The following CTNND2 variants were observed in gnomAD, a reference collection of about 807,000 sequenced individuals.
CTNND2 encodes catenin delta 2.
CTNND2 carries 22 observed loss-of-function variants against 144.4 expected under a neutral mutation model. That is an observed-to-expected ratio of 0.15 (90% CI 0.11 to 0.22). The LOEUF (loss-of-function observed/expected upper bound fraction) is 0.22, where lower values mean the gene tolerates loss of function less well. Ranked by LOEUF, CTNND2 falls within the 10% of genes least tolerant of loss-of-function variation. The probability of loss-of-function intolerance (pLI) is 1.00; values close to 1 mark genes in which losing one functional copy is unlikely to be tolerated. For synonymous variants in CTNND2, 751 were observed against 695.6 expected (o/e 1.08, Z -1.25); for missense variants, 1,353 against 1,618.8 (o/e 0.84, Z 2.82).
Position 11,246,552 on chromosome 5 carries a change from G to A in CTNND2, c.1629-9729C>T, listed in dbSNP as rs544832610. 9.3e-4 allele frequency among the ~76,000 whole-genome samples: 142 copies of A among 152,138 alleles called. 1 individual carries two copies. The highest frequency in any genetic ancestry group is 3.3e-3 in the African/African-American group (135 of 41,518). On this transcript the variant is annotated intron_variant, in intron 9 of 21. Coordinates refer to ENST00000304623, the MANE Select transcript of CTNND2 (RefSeq NM_001332.4). ...TCTCCCTCAGCACCTCTGGAGAGAC[G>A]CTACACTGCTCACACCATGATTTTG...
intron 12 of CTNND2, among the ~76,000 whole-genome samples, chr5:11,129,379 T>C (rs1755335200): frequency 7.4e-6 from 1 of 135,560 alleles, no homozygotes; most frequent in South Asian, 2.2e-4. Context: ...CGTGAGGTGG[T>C]GGCATAGAAA....
intron 2 of CTNND2, among the ~76,000 whole-genome samples, chr5:11,590,345 G>A (rs1779154063): frequency 6.6e-6 from 1 of 152,056 alleles, no homozygotes; most frequent in African/African-American, 2.4e-5. Flanking sequence ...GCCTGGCCCT[G>A]TAAATTATTT....
intron 1 of CTNND2, among the ~76,000 whole-genome samples, chr5:11,738,929 C>G (rs1787845387): frequency 6.6e-6 from 1 of 152,158 alleles, no homozygotes; most frequent in South Asian, 2.1e-4. Context: ...GCTCTGAAGT[C>G]ACATGCTTCA....
At chr5:11,662,510 C>A (rs116544880) in intron 2 of CTNND2, among the ~76,000 whole-genome samples, 3,154 of 152,056 alleles carry the variant, frequency 0.021, 110 homozygotes, top group African/African-American at 0.072. Flanking sequence ...CGATTTTCTG[C>A]CTGCTTTATA....
At chr5:11,813,651 CACTTTT>C (rs1161786866) in intron 1 of CTNND2, among the ~76,000 whole-genome samples, 3 of 152,152 alleles carry the variant, frequency 2.0e-5, no homozygotes, top group African/African-American at 7.2e-5. Flanking sequence ...TTAAAACAAA[CACTTTT>C]TTTATTATCT....
At chr5:11,835,972 C>T (rs1031789552) in intron 1 of CTNND2, among the ~76,000 whole-genome samples, 1 of 152,150 alleles carries the variant, frequency 6.6e-6, no homozygotes, top group African/African-American at 2.4e-5. Flanking sequence ...ATTCCCCTTT[C>T]AGCACTGCTC....
chr5:11,549,259 C>T (rs1262894850), intron 3 of CTNND2, among the ~76,000 whole-genome samples: 1 of 152,148 alleles, frequency 6.6e-6, no homozygotes, highest in Non-Finnish European at 1.5e-5. Context: ...TTATCGGGAT[C>T]TATATTTGGC....
chr5:11,607,380 T>C (rs1400191903), intron 2 of CTNND2, among the ~76,000 whole-genome samples: 1 of 152,132 alleles, frequency 6.6e-6, no homozygotes, highest in Non-Finnish European at 1.5e-5. Flanking sequence ...GTATCTGACA[T>C]ATATAATATT....
chr5:11,146,583 T>G (rs929484413), intron 12 of CTNND2, among the ~76,000 whole-genome samples: 1 of 152,228 alleles, frequency 6.6e-6, no homozygotes, highest in African/African-American at 2.4e-5. Flanking sequence ...ATTAAAGAGT[T>G]ATCTTGTCCA....
At chr5:11,328,764 A>G (rs1489903071) in intron 9 of CTNND2, among the ~76,000 whole-genome samples, 1 of 152,182 alleles carries the variant, frequency 6.6e-6, no homozygotes, top group Non-Finnish European at 1.5e-5. Flanking sequence ...CTTCAGCTGA[A>G]TGCTATGGGA....
rs901507065 is a variant in CTNND2 at position 11,505,442 on chromosome 5, G to A, written c.287+59502C>T. Among the ~76,000 whole-genome samples, 61 of 152,130 alleles carry A rather than the reference G, an allele frequency of 4.0e-4. 1 individual carries two copies. The highest frequency in any genetic ancestry group is 3.2e-3 in the Admixed American group (49 of 15,268). ...CACAGGGTTTATGTTGAAATAAACC[G>A]CTTAATGTTTGCAAGTAACACATTT... On this transcript the variant is annotated intron_variant, in intron 3 of 21. Coordinates refer to ENST00000304623, the MANE Select transcript of CTNND2 (RefSeq NM_001332.4).
intron 9 of CTNND2, among the ~76,000 whole-genome samples, chr5:11,248,341 A>T (rs1743217447): frequency 8.3e-6 from 1 of 120,962 alleles, no homozygotes; most frequent in African/African-American, 2.7e-5. Flanking sequence ...TTATACATAC[A>T]TATATATATA....
intron 3 of CTNND2, among the ~76,000 whole-genome samples, chr5:11,431,350 G>A (rs955119399): frequency 2.0e-5 from 3 of 152,188 alleles, no homozygotes; most frequent in African/African-American, 7.2e-5. Context: ...CAATACATAT[G>A]ATGGATTAAA....
At chr5:11,522,499 T>C (rs1338667415) in intron 3 of CTNND2, among the ~76,000 whole-genome samples, 3 of 152,158 alleles carry the variant, frequency 2.0e-5, no homozygotes, top group Non-Finnish European at 4.4e-5. Flanking sequence ...ATCAACTCTA[T>C]TATCCATGTT....
At chr5:11,655,032 G>GC in intron 2 of CTNND2, among the ~76,000 whole-genome samples, 1 of 152,114 alleles carries the variant, frequency 6.6e-6, no homozygotes, top group Admixed American at 6.5e-5. Flanking sequence ...TTATCTTGCT[G>GC]CCCTGTTGGA....
intron 2 of CTNND2, among the ~76,000 whole-genome samples, chr5:11,566,104 C>T (rs1214903667): frequency 6.6e-6 from 1 of 152,132 alleles, no homozygotes; most frequent in Non-Finnish European, 1.5e-5. Flanking sequence ...GACACTCTTG[C>T]ATGAGGTCTT....
At position 11,624,082 on chromosome 5, in the gene CTNND2, G is replaced by A. The variant is rs182733502; in HGVS notation, c.175-59026C>T. ...CCTAGCCTCTGGTATGTCTTTATTCGCAATGTAGGAACAGACTAATACACT... is the reference window on the plus strand; with the variant it reads ...CCTAGCCTCTGGTATGTCTTTATTCACAATGTAGGAACAGACTAATACACT... On this transcript the variant is annotated intron_variant, in intron 2 of 21. Transcript: ENST00000304623. 9.7e-4 allele frequency among the ~76,000 whole-genome samples: 147 copies of A among 151,594 alleles called. 2 individuals are homozygous for A. In the Middle Eastern group the frequency reaches 0.01, roughly 11 times the overall value.
intron 11 of CTNND2, among the ~76,000 whole-genome samples, chr5:11,176,657 C>T (rs1458287677): frequency 1.3e-5 from 2 of 152,142 alleles, no homozygotes; most frequent in African/African-American, 4.8e-5. Flanking sequence ...TCTGTGAAGA[C>T]TGGTTTCCTT....
At chr5:11,381,256 T>C (rs1458626583) in intron 7 of CTNND2, among the ~76,000 whole-genome samples, 1 of 152,214 alleles carries the variant, frequency 6.6e-6, no homozygotes, top group African/African-American at 2.4e-5. Context: ...CCTTTAATCC[T>C]GATAGTCTAT....
Sources: gnomAD v4.1 joint callset for allele counts (sites outside exome capture counted in the v4.1 genomes callset) on GRCh38, gnomAD v4.1.1 for gene constraint, MANE v1.5 for transcripts, NCBI Gene and HGNC (gene_info 2026-07-23, HGNC 2026-07-21) for gene names.